Variants in AGAP1 observed in about 807,000 individuals in gnomAD.
AGAP1 encodes the protein ArfGAP with GTPase domain, ankyrin repeat and PH domain 1, also known as arf-GAP with GTPase, ANK repeat and PH domain-containing protein 1.
A neutral mutation model predicts 105.3 loss-of-function variants in AGAP1; 29 were observed. That is an observed-to-expected ratio of 0.28 (90% CI 0.21 to 0.38). The LOEUF (loss-of-function observed/expected upper bound fraction) is 0.38. AGAP1 is among the 10% of genes least tolerant of loss of function. The probability of loss-of-function intolerance (pLI) is 1.00; values close to 1 mark genes in which losing one functional copy is unlikely to be tolerated. For synonymous variants in AGAP1, 509 were observed against 485.9 expected, an observed-to-expected ratio of 1.05 and a Z score of -0.63; for missense variants, 998 against 1,165.1, an observed-to-expected ratio of 0.86 and a Z score of 2.09.
At chr2:235,538,473 G>A (rs1216640805) in intron 1 of AGAP1, among the ~76,000 whole-genome samples, 3 of 148,682 alleles carry the variant, frequency 2.0e-5, no homozygotes, top group Non-Finnish European at 3.0e-5. Context: ...ATGCTTGTAC[G>A]CCTGTGCACA....
chr2:235,561,370 C>T (rs564549225), intron 1 of AGAP1, among the ~76,000 whole-genome samples: 2 of 152,306 alleles, frequency 1.3e-5, no homozygotes, highest in Admixed American at 1.3e-4. Flanking sequence ...AGCTCTTCCA[C>T]TGATTTAGGG....
chr2:235,682,299 G>C (rs755727282), intron 1 of AGAP1, among the ~76,000 whole-genome samples: 10 of 152,052 alleles, frequency 6.6e-5, no homozygotes, highest in Non-Finnish European at 1.5e-4. Flanking sequence ...TGGTGGCCAA[G>C]AATGAGGCGT....
rs1422693343 is a variant in AGAP1 at position 235,712,850 on chromosome 2, C to T, written c.222+3613C>T. ...CGTCTTGGTTTACTTCCAGCAGTCGCTCCGACAGCTTCACGGGTGGCGTGA... is the reference window on the plus strand; with the variant it reads ...CGTCTTGGTTTACTTCCAGCAGTCGTTCCGACAGCTTCACGGGTGGCGTGA... On this transcript the variant is annotated intron_variant, in intron 2 of 17. Transcript: ENST00000304032. This position sits in a 1 kb window ranked among gnomAD's most constrained non-coding sequence, Gnocchi z 6.0. 6.6e-6 allele frequency among the ~76,000 whole-genome samples: 1 copy of T among 152,222 alleles called. No homozygotes were observed. The highest frequency in any genetic ancestry group is 6.5e-5 in the Admixed American group (1 of 15,288).
chr2:235,799,561 C>T lies in AGAP1; in HGVS notation c.957+39C>T, dbSNP rs73998921. 8,971 of 1,603,888 alleles carry T rather than the reference C, an allele frequency of 5.6e-3. 355 individuals carry two copies. In the African/African-American group the frequency reaches 0.091, roughly 16 times the overall value. On this transcript the variant is annotated intron_variant, in intron 8 of 17. Coordinates refer to ENST00000304032, the MANE Select transcript of AGAP1 (RefSeq NM_001037131.3). The surrounding 1 kb of genome is among the most constrained non-coding windows in gnomAD (Gnocchi z 5.0). ...CTGGGTGGAGATTTGAATGCGATTC[C>T]GAAGCGTTCCCATTAACGTAAACCT...
intron 5 of AGAP1, among the ~76,000 whole-genome samples, chr2:235,748,867 T>C (rs1034096436): frequency 4.6e-5 from 7 of 152,244 alleles, no homozygotes; most frequent in African/African-American, 1.7e-4. Flanking sequence ...TATTGTTTTC[T>C]TTGGCATAAG....
intron 11 of AGAP1, among the ~76,000 whole-genome samples, chr2:235,924,584 G>A (rs1575792947): frequency 6.6e-6 from 1 of 152,284 alleles, no homozygotes; most frequent in East Asian, 1.9e-4. Flanking sequence ...CTAGGTTCCT[G>A]GGTGATGAGA....
chr2:236,030,122 A>G (rs1465611638), intron 13 of AGAP1, among the ~76,000 whole-genome samples: 1 of 152,216 alleles, frequency 6.6e-6, no homozygotes, highest in Non-Finnish European at 1.5e-5. Flanking sequence ...TCATTCCACT[A>G]TCTGGCGACT....
intron 16 of AGAP1, among the ~76,000 whole-genome samples, chr2:236,088,053 C>T (rs932281765): frequency 6.6e-6 from 1 of 152,162 alleles, no homozygotes; most frequent in Non-Finnish European, 1.5e-5. Flanking sequence ...AAGAAAGACC[C>T]TCAGTCTCCA....
chr2:235,513,625 G>A (rs1356465868), intron 1 of AGAP1, among the ~76,000 whole-genome samples: 2 of 151,542 alleles, frequency 1.3e-5, no homozygotes, highest in Admixed American at 1.3e-4. Flanking sequence ...ACTTCATGAC[G>A]AGCCCCCTGG....
In AGAP1 at chr2:236,114,739, T is replaced by C. The variant is rs2059727833; in HGVS notation, c.2115-5453T>C. 1.3e-5 allele frequency among the ~76,000 whole-genome samples: 2 copies of C among 152,192 alleles called. No homozygotes were observed. Among genetic ancestry groups the C allele is most frequent in the South Asian group, 4.1e-4 (2 of 4,836 alleles). ...TCTTTATAGCATCATTTAACCTTAA[T>C]TCTCTTCCTGAAGACCCCATCTCCA... On this transcript the variant is annotated intron_variant, in intron 16 of 17. Transcript: ENST00000304032. The surrounding 1 kb of genome is among the most constrained non-coding windows in gnomAD (Gnocchi z 5.0).
rs1457748452 is a variant in AGAP1, at chr2:235,631,676, G to C, written c.164-77503G>C. 2.0e-5 allele frequency among the ~76,000 whole-genome samples: 3 copies of C among 152,204 alleles called. No homozygotes were observed. Among genetic ancestry groups the C allele is most frequent in the African/African-American group, 4.8e-5 (2 of 41,462 alleles). Reference sequence around the variant, plus strand: ...ACCTCTCTGTGCTTAGGTGACCTTCGATGGCACGGGGGATAGCAGTATCTG... The same window carrying C: ...ACCTCTCTGTGCTTAGGTGACCTTCCATGGCACGGGGGATAGCAGTATCTG... On this transcript the variant is annotated intron_variant, in intron 1 of 17. Transcript: ENST00000304032. The surrounding 1 kb of genome is among the most constrained non-coding windows in gnomAD (Gnocchi z 5.4).
chr2:235,991,912 A>C (rs2055578752), intron 13 of AGAP1, among the ~76,000 whole-genome samples: 1 of 152,236 alleles, frequency 6.6e-6, no homozygotes, highest in Non-Finnish European at 1.5e-5. Context: ...AAAAAGTAAA[A>C]GATTCGCTAC....
chr2:235,856,714 C>T (rs1301132038), intron 9 of AGAP1, among the ~76,000 whole-genome samples: 4 of 152,252 alleles, frequency 2.6e-5, no homozygotes, highest in Non-Finnish European at 4.4e-5. Context: ...CATGCAGAGT[C>T]ACAGGTCCTG....
At position 235,740,582 on chromosome 2, in the gene AGAP1, A is replaced by C. The variant is rs1388481958; in HGVS notation, c.311-381A>C. Among the ~76,000 whole-genome samples, 1 of 152,210 alleles carries C rather than the reference A, an allele frequency of 6.6e-6. No individual in the cohort carries two copies. The highest frequency in any genetic ancestry group is 1.5e-5 in the Non-Finnish European group (1 of 68,034). On this transcript the variant is annotated intron_variant, in intron 3 of 17. Coordinates refer to ENST00000304032, the MANE Select transcript of AGAP1 (RefSeq NM_001037131.3). The surrounding 1 kb of genome is among the most constrained non-coding windows in gnomAD (Gnocchi z 5.7). The stretch of plus-strand genomic sequence containing the variant: ...AGAGGTTGCAGATCAGGCACCTGTT[A>C]AGCATGAAAAATTTGTTTCAGTTTT...
chr2:235,818,032 C>T (rs1958560045), intron 9 of AGAP1, among the ~76,000 whole-genome samples: 1 of 152,186 alleles, frequency 6.6e-6, no homozygotes, highest in Non-Finnish European at 1.5e-5. Flanking sequence ...AGGGCCGTCC[C>T]AAGTCTAGTC....
In AGAP1 at chr2:235,957,314, A is replaced by T. The variant is rs933773737; in HGVS notation, c.1484-11148A>T. On this transcript the variant is annotated intron_variant, in intron 12 of 17. Coordinates refer to ENST00000304032, the MANE Select transcript of AGAP1 (RefSeq NM_001037131.3). The surrounding 1 kb of genome is among the most constrained non-coding windows in gnomAD (Gnocchi z 4.6). ...TAATTGAAAATGGCCCAAGTAGGCA[A>T]TTCTTCTCTCCTGTGTGTTCTCTTG... 1.3e-5 allele frequency among the ~76,000 whole-genome samples: 2 copies of T among 152,178 alleles called. No homozygotes were observed. The highest frequency in any genetic ancestry group is 1.3e-4 in the Admixed American group (2 of 15,280).
At position 235,968,457 on chromosome 2, in the gene AGAP1, G is replaced by A; in HGVS notation, c.1484-5G>A. On this transcript the variant is annotated splice_polypyrimidine_tract_variant and splice_region_variant and intron_variant, in intron 12 of 17. Coordinates refer to ENST00000304032, the MANE Select transcript of AGAP1 (RefSeq NM_001037131.3). ...TTTTTTTTGCCTTTTCCGGTCCAAT[G>A]GCAGACACAGGGCTGGGTGACTCCG... is the stretch of plus-strand genomic sequence containing the variant. The A allele has an allele frequency of 6.6e-7, 1 of 1,524,730 alleles. No individual in the cohort carries two copies. Among genetic ancestry groups the A allele is most frequent in the Middle Eastern group, 1.8e-4 (1 of 5,616 alleles). The allele number at this position is 1,524,730 out of a possible 1,614,324, so 94.5% of individuals were successfully genotyped here.
intron 12 of AGAP1, among the ~76,000 whole-genome samples, chr2:235,950,732 A>G (rs964480274): frequency 1.3e-5 from 2 of 152,192 alleles, no homozygotes; most frequent in African/African-American, 4.8e-5. Context: ...GTCAATTATT[A>G]CATTTTGGAG....
At position 235,883,322 on chromosome 2, in the gene AGAP1, A is replaced by C. The variant is rs75965411; in HGVS notation, c.1051-23A>C. On this transcript the variant is annotated intron_variant, in intron 9 of 17. Coordinates refer to ENST00000304032, the MANE Select transcript of AGAP1 (RefSeq NM_001037131.3). The surrounding 1 kb of genome is among the most constrained non-coding windows in gnomAD (Gnocchi z 4.5). ...TTTTTTTATTTACATTAGAATTTCT[A>C]TTTGGCTCTTTTTCCCTTGTAGGGC... 2 of 1,602,866 alleles carry C rather than the reference A, an allele frequency of 1.2e-6. No homozygotes were observed. The highest frequency in any genetic ancestry group is 4.5e-5 in the East Asian group (2 of 44,812).
Sources: gnomAD v4.1 joint callset for allele counts (sites outside exome capture counted in the v4.1 genomes callset) on GRCh38, gnomAD v4.1.1 for gene constraint, Gnocchi (gnomAD v3.1) non-coding constraint, MANE v1.5 for transcripts, NCBI Gene and HGNC (gene_info 2026-07-23, HGNC 2026-07-21) for gene names.